The following MDN1 variants were observed in gnomAD, a reference collection of about 807,000 sequenced individuals.
MDN1 encodes midasin AAA ATPase 1.
Under a neutral mutation model 669.2 loss-of-function variants are expected in MDN1, and 266 were observed. That is an observed-to-expected ratio of 0.40 (90% CI 0.36 to 0.44). The LOEUF (loss-of-function observed/expected upper bound fraction) is 0.44. Among genes scored for constraint, MDN1 ranks in the 20% least tolerant of loss-of-function variants. The probability of loss-of-function intolerance (pLI) is 1.00; values close to 1 mark genes in which losing one functional copy is unlikely to be tolerated. For missense variants in MDN1, 5,940 were observed against 6,754.0 expected, an observed-to-expected ratio of 0.88 and a Z score of 4.22; for synonymous variants, 2,385 against 2,457.1, an observed-to-expected ratio of 0.97 and a Z score of 0.87.
At position 89,670,170 on chromosome 6, in the gene MDN1, A is replaced by ATTTTTTTT. The variant is rs766450069; in HGVS notation, c.13956+741_13956+748dup. Among the ~76,000 whole-genome samples the ATTTTTTTT allele has an allele frequency of 5.6e-4, 13 of 23,390 alleles. 1 individual carries two copies. Among genetic ancestry groups the ATTTTTTTT allele is most frequent in the East Asian group, 6.7e-3 (1 of 150 alleles). 15.3% of individuals were successfully genotyped at this position (23,390 alleles called of 152,430 possible). ...TATATATATATATATATATATATAT[A>ATTTTTTTT]TTTTTTTTTTTTTTTTTTTTGAGAT... On this transcript the variant is annotated intron_variant, in intron 83 of 101. Coordinates refer to ENST00000369393, the MANE Select transcript of MDN1 (RefSeq NM_014611.3).
chr6:89,684,827 T>C, intron 71 of MDN1, 49 bp downstream of exon 71: 1 of 1,197,400 alleles, frequency 8.4e-7, no homozygotes, highest in Non-Finnish European at 1.2e-6. Context: ...GAAAGAGAAT[T>C]TGCTGATTTT....
At chr6:89,726,666 A>AACAATT (rs1299415543) in intron 37 of MDN1, among the ~76,000 whole-genome samples, 1 of 152,168 alleles carries the variant, frequency 6.6e-6, no homozygotes, top group African/African-American at 2.4e-5. Context: ...TGTAAATAAG[A>AACAATT]ACAATTACAA....
rs1374734012 is a variant in MDN1 at position 89,687,019 on chromosome 6, A to C, written c.11455T>G (p.Trp3819Gly). Residue 3819 changes from tryptophan to glycine, a missense_variant, in exon 69 of 102, where the codon TGG becomes GGG. By Grantham distance (184) the Trp-to-Gly change is radical. Coordinates refer to ENST00000369393, the MANE Select transcript of MDN1 (RefSeq NM_014611.3). ...ATAGTATTATCCAAACTCATGGACC[A>C]GCAGCTGAAACGAGAAGAAGCCAAG... ...IRWRKLELNC[W>G]SMSLDNTMKR... 2.5e-6 allele frequency: 4 copies of C among 1,611,824 alleles called. No individual in the cohort carries two copies. The highest frequency in any genetic ancestry group is 1.3e-5 in the African/African-American group (1 of 74,646).
At chr6:89,708,738 G>C (rs1344517841) in intron 50 of MDN1, 110 bp from the exon 51 acceptor site, 7 of 1,200,960 alleles carry the variant, frequency 5.8e-6, no homozygotes, top group African/African-American at 1.5e-5. Context: ...ATTGAATCAT[G>C]ATGGGGAAGA....
intron 40 of MDN1, among the ~76,000 whole-genome samples, chr6:89,721,345 G>A (rs1227797357): frequency 2.6e-5 from 4 of 152,164 alleles, no homozygotes; most frequent in Non-Finnish European, 5.9e-5. Context: ...ACAGAAAGCT[G>A]AAGTTGAAAT....
At chr6:89,723,906 AG>A (rs1001300921) in intron 38 of MDN1, among the ~76,000 whole-genome samples, 4 of 152,184 alleles carry the variant, frequency 2.6e-5, no homozygotes, top group Non-Finnish European at 5.9e-5. Context: ...GCACTTTGGG[AG>A]GCCAAGGCAG....
At chr6:89,679,991 T>C (rs1271694114) in intron 74 of MDN1, among the ~76,000 whole-genome samples, 1 of 152,146 alleles carries the variant, frequency 6.6e-6, no homozygotes, top group Non-Finnish European at 1.5e-5. Flanking sequence ...TGCAACCTCA[T>C]TAAAGGCAGG....
chr6:89,677,813 AGAAAT>A, intron 75 of MDN1, 117 bp from the exon 76 acceptor site: 1 of 1,350,044 alleles, frequency 7.4e-7, no homozygotes, highest in Non-Finnish European at 1.0e-6. Context: ...AGAGCTTGTT[AGAAAT>A]GCAGACTCTC....
chr6:89,760,130 T>C (rs1817468620), intron 17 of MDN1, among the ~76,000 whole-genome samples: 1 of 152,178 alleles, frequency 6.6e-6, no homozygotes, highest in Non-Finnish European at 1.5e-5. Context: ...TAATGTATGG[T>C]TGAGTAGACC....
chr6:89,715,259 C>G (rs1314361008), intron 45 of MDN1, among the ~76,000 whole-genome samples: 1 of 152,178 alleles, frequency 6.6e-6, no homozygotes, highest in Non-Finnish European at 1.5e-5. Context: ...CCCAGTTACT[C>G]AAGCCAAAAA....
intron 33 of MDN1, among the ~76,000 whole-genome samples, chr6:89,735,835 C>T (rs910767800): frequency 1.3e-5 from 2 of 152,144 alleles, no homozygotes; most frequent in Non-Finnish European, 2.9e-5. Flanking sequence ...TCCTTGCCAA[C>T]ATGGTGAAAC....
intron 63 of MDN1, among the ~76,000 whole-genome samples, chr6:89,692,187 T>C (rs1812416259): frequency 6.6e-6 from 1 of 152,040 alleles, no homozygotes; most frequent in South Asian, 2.1e-4. Context: ...AAAAGACAAC[T>C]GACAAACTGG....
At position 89,780,263 on chromosome 6, in the gene MDN1, G is replaced by C. The variant is rs1396619993; in HGVS notation, c.1674C>G (p.Ala558=). ...ATAAAGATGAACTGTCAAAGCTATG[G>C]GCAATCCTATTACACCAATTCAGCA... ...RDLLNWCNRI[A]HSFDSSSLSA... The change falls in exon 11 of 102, where the codon GCC becomes GCG. Residue 558 remains alanine (A), a synonymous_variant. Coordinates refer to ENST00000369393, the MANE Select transcript of MDN1 (RefSeq NM_014611.3). 1.3e-6 allele frequency: 2 copies of C among 1,586,670 alleles called. No individual in the cohort carries two copies. Among genetic ancestry groups the C allele is most frequent in the Middle Eastern group, 1.7e-4 (1 of 5,962 alleles).
chr6:89,751,532 C>A lies in MDN1; in HGVS notation c.3126G>T (p.Trp1042Cys). The A allele has an allele frequency of 6.2e-7, 1 of 1,614,166 alleles. No individual in the cohort carries two copies. The highest frequency in any genetic ancestry group is 8.5e-7 in the Non-Finnish European group (1 of 1,180,016). ...GGRLIQVEGY[W>C]IAVGDKEPTI... ...TAGGCTCCTTGTCTCCCACCGCAAT[C>A]CAGTAGCCTTCAACCTGGATAAGCC... is the stretch of plus-strand genomic sequence containing the variant. Residue 1042 changes from tryptophan (W) to cysteine (C), a missense_variant, in exon 23 of 102, where the codon TGG becomes TGT. By Grantham distance (215) the Trp-to-Cys change is radical (BLOSUM62 -2). Transcript: ENST00000369393.
chr6:89,700,619 A>T (rs760710021), intron 56 of MDN1, 27 bp downstream of exon 56: 25 of 1,597,942 alleles, frequency 1.6e-5, no homozygotes, highest in Middle Eastern at 1.7e-4. Flanking sequence ...AGCATCTGTC[A>T]GCTAGCCAAG....
At chr6:89,772,443 G>A (rs1584348045) in intron 14 of MDN1, 130 bp downstream of exon 14, 1 of 944,202 alleles carries the variant, frequency 1.1e-6, no homozygotes, top group East Asian at 2.4e-5. Context: ...GTTATTTCCA[G>A]GCAGAGATTA....
intron 15 of MDN1, among the ~76,000 whole-genome samples, chr6:89,769,444 C>A (rs1817974820): frequency 6.6e-6 from 1 of 152,166 alleles, no homozygotes; most frequent in Non-Finnish European, 1.5e-5. Flanking sequence ...AATCTCAACA[C>A]TTCAGGAGGC....
At chr6:89,654,358 A>G in intron 92 of MDN1, 24 bp from the exon 93 acceptor site, 1 of 1,613,286 alleles carries the variant, frequency 6.2e-7, no homozygotes. Flanking sequence ...ACGCACCCAC[A>G]CATAAAAATC....
rs1814974073 is a variant in MDN1 at position 89,723,404 on chromosome 6, A to C, written c.5778+108T>G. The C allele has an allele frequency of 1.9e-5, 15 of 770,720 alleles. No individual in the cohort carries two copies. The South Asian group carries it at 3.3e-4, about 17-fold the overall frequency. 47.7% of individuals were successfully genotyped at this position (770,720 alleles called of 1,614,324 possible). On this transcript the variant is annotated intron_variant, in intron 39 of 101. Coordinates refer to ENST00000369393, the MANE Select transcript of MDN1 (RefSeq NM_014611.3). ...CTAGAAACCTGTAGAATTCAAAGTA[A>C]TTTTTTTTAGTTAGAGATCCTGATA...
Sources: allele counts gnomAD v4.1 joint callset (sites outside exome capture counted in the v4.1 genomes callset), GRCh38; gene constraint gnomAD v4.1.1; transcripts MANE v1.5; gene names NCBI Gene and HGNC (gene_info 2026-07-23, HGNC 2026-07-21).